Variants in AFF2 observed in about 807,000 individuals in gnomAD.
AFF2 encodes the protein ALF transcription elongation factor 2, also known as AF4/FMR2 family member 2.
Under a neutral mutation model 76.9 loss-of-function variants are expected in AFF2, and 14 were observed. That is an observed-to-expected ratio of 0.18 (90% CI 0.12 to 0.28). The LOEUF is 0.28. Among genes scored for constraint, AFF2 ranks in the 10% least tolerant of loss-of-function variants. The pLI is 1.00. For missense variants in AFF2, 868 were observed against 1,001.1 expected (o/e 0.87, Z 1.79); for synonymous variants, 398 against 366.7 (o/e 1.09, Z -0.98).
chrX:148,620,777 C>A (rs782758623), intron 1 of AFF2, among the ~76,000 whole-genome samples: 5 of 111,482 alleles, frequency 4.5e-5, no homozygotes, highest in Non-Finnish European at 9.4e-5. Context: ...AAAAGCAGTG[C>A]CTCTTTAACT....
At chrX:148,672,969 C>A (rs2054441352) in intron 3 of AFF2, among the ~76,000 whole-genome samples, 1 of 111,370 alleles carries the variant, frequency 9.0e-6, no homozygotes, top group Admixed American at 9.5e-5. Context: ...GGGAGTAAGA[C>A]TTCTCTCAAT....
chrX:148,869,876 G>T (rs2070951833), intron 7 of AFF2, among the ~76,000 whole-genome samples: 1 of 111,114 alleles, frequency 9.0e-6, no homozygotes, highest in African/African-American at 3.3e-5. Flanking sequence ...ATCCTTCTAT[G>T]GGTGACCGTA....
chrX:148,597,499 G>T (rs192837836), intron 1 of AFF2, among the ~76,000 whole-genome samples: 1 of 112,085 alleles, frequency 8.9e-6, no homozygotes, highest in Admixed American at 9.4e-5. Context: ...AAATTGCTGA[G>T]CATGATCCGC....
chrX:148,599,481 C>T (rs2053606017), intron 1 of AFF2, among the ~76,000 whole-genome samples: 1 of 110,505 alleles, frequency 9.0e-6, no homozygotes, highest in South Asian at 3.9e-4. Context: ...GGGTTCTCTA[C>T]CATAGAGAAG....
intron 3 of AFF2, among the ~76,000 whole-genome samples, chrX:148,788,789 T>G (rs1206502466): frequency 8.9e-6 from 1 of 112,118 alleles, no homozygotes; most frequent in Non-Finnish European, 1.9e-5. Flanking sequence ...GGTTGGGTTT[T>G]CTAAAACAGA....
In AFF2 at chrX:148,696,346, G is replaced by A. The variant is rs1557261284; in HGVS notation, c.1041+33578G>A. Among the ~76,000 whole-genome samples the A allele has an allele frequency of 4.5e-5, 5 of 110,378 alleles. No individual in the cohort carries two copies. In the South Asian group the frequency reaches 1.2e-3, roughly 26 times the overall value. ...GATAGCATTAGGAGATATACCTAAC[G>A]TAAATGAGGAGTTAATGGGTGCAGC... On this transcript the variant is annotated intron_variant, in intron 3 of 20. Coordinates refer to ENST00000370460, the MANE Select transcript of AFF2 (RefSeq NM_002025.4).
At chrX:148,867,969 T>A (rs1485125521) in intron 7 of AFF2, among the ~76,000 whole-genome samples, 5 of 111,843 alleles carry the variant, frequency 4.5e-5, no homozygotes, top group Non-Finnish European at 7.5e-5. Context: ...TAGCTTAGAT[T>A]TCCTGTCCAC....
chrX:148,508,845 A>C (rs1402167359), intron 1 of AFF2, among the ~76,000 whole-genome samples: 1 of 111,288 alleles, frequency 9.0e-6, no homozygotes, highest in African/African-American at 3.3e-5. Context: ...GACGTTAATC[A>C]GGTCGTAGAA....
In AFF2 at chrX:148,997,971, T is replaced by C. The variant is rs781893981; in HGVS notation, c.*6639T>C. 3 of 112,577 alleles carry C rather than the reference T, an allele frequency of 2.7e-5. No individual in the cohort carries two copies. Among genetic ancestry groups the C allele is most frequent in the Non-Finnish European group, 5.6e-5 (3 of 53,331 alleles). The allele number at this position is 112,577 out of a possible 1,213,427, so 9.3% of individuals were successfully genotyped here. On this transcript the variant is annotated 3_prime_UTR_variant, in exon 21 of 21. Coordinates refer to ENST00000370460, the MANE Select transcript of AFF2 (RefSeq NM_002025.4). ...AGAAAGAGAAATGTCTGAGATAAAA[T>C]CCCTCACATTTACTCAATATAACAA...
chrX:148,656,585 C>T (rs886068132), intron 2 of AFF2, among the ~76,000 whole-genome samples: 5 of 100,187 alleles, frequency 5.0e-5, no homozygotes, highest in African/African-American at 1.1e-4. Flanking sequence ...CTGCAAGCTC[C>T]GCCTCCCGGG....
chrX:148,804,315 T>C (rs2070099194), intron 3 of AFF2, among the ~76,000 whole-genome samples: 1 of 112,072 alleles, frequency 8.9e-6, no homozygotes, highest in Non-Finnish European at 1.9e-5. Flanking sequence ...TGAAATCCAG[T>C]TCTATGGAGC....
intron 1 of AFF2, among the ~76,000 whole-genome samples, chrX:148,566,188 C>A (rs181850306): frequency 5.2e-4 from 58 of 110,877 alleles, no homozygotes; most frequent in African/African-American, 1.7e-3. Flanking sequence ...TTATTATTAT[C>A]TATTTTGCCC....
intron 7 of AFF2, among the ~76,000 whole-genome samples, chrX:148,847,466 G>A (rs1557274865): frequency 8.9e-6 from 1 of 112,130 alleles, no homozygotes; most frequent in African/African-American, 3.2e-5. Flanking sequence ...AGCAGCTCCT[G>A]TGTTTTAAAC....
At chrX:148,942,793 G>A (rs1284430882) in intron 9 of AFF2, among the ~76,000 whole-genome samples, 1 of 95,309 alleles carries the variant, frequency 1.0e-5, no homozygotes, top group African/African-American at 3.7e-5. Flanking sequence ...TCCAGCCCAG[G>A]CGATAGTGTG....
chrX:148,989,226 T>C (rs1557291984), intron 20 of AFF2, among the ~76,000 whole-genome samples: 1 of 112,886 alleles, frequency 8.9e-6, no homozygotes, highest in African/African-American at 3.2e-5. Flanking sequence ...GCTATTTCTC[T>C]CTTATTTTGT....
intron 4 of AFF2, among the ~76,000 whole-genome samples, chrX:148,812,265 C>T (rs1260979046): frequency 9.0e-6 from 1 of 111,185 alleles, no homozygotes; most frequent in East Asian, 2.8e-4. Context: ...CCCCATAAAC[C>T]CCTTTCTTAG....
intron 1 of AFF2, among the ~76,000 whole-genome samples, chrX:148,516,920 C>T (rs1387523283): frequency 1.8e-5 from 2 of 112,047 alleles, no homozygotes; most frequent in Non-Finnish European, 3.8e-5. Flanking sequence ...TCATTCCACT[C>T]TAATACTACA....
At chrX:148,538,774 A>G (rs2052818305) in intron 1 of AFF2, among the ~76,000 whole-genome samples, 1 of 111,923 alleles carries the variant, frequency 8.9e-6, no homozygotes, top group South Asian at 3.7e-4. Flanking sequence ...ACAGATGAGA[A>G]AACTGAGGGC....
chrX:148,563,701 A>G (rs1239985357), intron 1 of AFF2, among the ~76,000 whole-genome samples: 1 of 112,484 alleles, frequency 8.9e-6, no homozygotes, highest in Non-Finnish European at 1.9e-5. Context: ...AGACAACAGT[A>G]AAATAAAACT....
Sources: allele counts gnomAD v4.1 joint callset (sites outside exome capture counted in the v4.1 genomes callset), GRCh38; gene constraint gnomAD v4.1.1; transcripts MANE v1.5; gene names NCBI Gene and HGNC (gene_info 2026-07-23, HGNC 2026-07-21).